Variants in GNA14 observed in about 807,000 individuals in gnomAD.
GNA14 encodes G protein subunit alpha 14.
A neutral mutation model predicts 42.0 loss-of-function variants in GNA14; 50 were observed. That is an observed-to-expected ratio of 1.19 (90% CI 0.95 to 1.51). GNA14 has a LOEUF of 1.51. Among genes scored for constraint, GNA14 ranks in the 40% most tolerant of loss-of-function variants. The probability of loss-of-function intolerance (pLI) is 0.00; values close to 1 mark genes in which losing one functional copy is unlikely to be tolerated. For missense variants in GNA14, 473 were observed against 446.2 expected (o/e 1.06, Z -0.54); for synonymous variants, 173 against 163.1 (o/e 1.06, Z -0.46).
At chr9:77,464,066 T>C (rs1446431406) in intron 2 of GNA14, among the ~76,000 whole-genome samples, 2 of 152,182 alleles carry the variant, frequency 1.3e-5, no homozygotes, top group Non-Finnish European at 2.9e-5. Flanking sequence ...AGTGGTGTAA[T>C]CTCAGGTCAC....
At chr9:77,452,568 G>GTGTT (rs1222885242) in intron 2 of GNA14, among the ~76,000 whole-genome samples, 3 of 14,744 alleles carry the variant, frequency 2.0e-4, no homozygotes, top group Non-Finnish European at 5.1e-4. Flanking sequence ...GTGTGTGTGT[G>GTGTT]TGTATGTGCA....
At chr9:77,551,915 G>A (rs1198325790) in intron 1 of GNA14, among the ~76,000 whole-genome samples, 19 of 151,794 alleles carry the variant, frequency 1.3e-4, no homozygotes, top group Admixed American at 4.6e-4. Context: ...CGAGTCAGGC[G>A]GATCACCTGA....
intron 1 of GNA14, among the ~76,000 whole-genome samples, chr9:77,567,598 G>A (rs1822986795): frequency 6.6e-6 from 1 of 152,218 alleles, no homozygotes; most frequent in Non-Finnish European, 1.5e-5. Context: ...TGGGTGTGGT[G>A]GCTCACGCCT....
intron 1 of GNA14, among the ~76,000 whole-genome samples, chr9:77,574,923 G>A (rs757326002): frequency 4.6e-5 from 7 of 152,176 alleles, no homozygotes; most frequent in African/African-American, 1.2e-4. Context: ...AAAACTTGGC[G>A]AGCACTAACT....
chr9:77,464,548 A>T (rs529937331), intron 2 of GNA14, among the ~76,000 whole-genome samples: 2 of 151,866 alleles, frequency 1.3e-5, no homozygotes, highest in South Asian at 4.2e-4. Context: ...TTTTAAAAAC[A>T]TTTTTTTTGA....
chr9:77,548,520 A>T (rs1837748994), intron 1 of GNA14, among the ~76,000 whole-genome samples: 1 of 152,178 alleles, frequency 6.6e-6, no homozygotes, highest in African/African-American at 2.4e-5. Flanking sequence ...AACACTCTTA[A>T]ATTGGACATA....
chr9:77,485,748 T>C (rs755096450), intron 2 of GNA14, among the ~76,000 whole-genome samples: 18 of 152,294 alleles, frequency 1.2e-4, no homozygotes, highest in South Asian at 6.2e-4. Flanking sequence ...TCAGAGCGCT[T>C]AGGTGACCAG....
In GNA14 at chr9:77,540,806, A is replaced by G. The variant is rs115893924; in HGVS notation, c.125-11553T>C. Reference sequence around the variant, plus strand: ...TGCTTTTGGTTTCTGCTTGCATGTAATATCTTTTTCTATCCCTTTATTGTG... The same window carrying G: ...TGCTTTTGGTTTCTGCTTGCATGTAGTATCTTTTTCTATCCCTTTATTGTG... On this transcript the variant is annotated intron_variant, in intron 1 of 6. Transcript: ENST00000341700. Among the ~76,000 whole-genome samples, 746 of 152,098 alleles carry G rather than the reference A, an allele frequency of 4.9e-3. 5 individuals are homozygous for G. The highest frequency in any genetic ancestry group is 0.017 in the African/African-American group (692 of 41,522).
intron 1 of GNA14, among the ~76,000 whole-genome samples, chr9:77,594,311 G>A (rs1823432177): frequency 6.6e-6 from 1 of 152,188 alleles, no homozygotes; most frequent in Admixed American, 6.5e-5. Flanking sequence ...GACCAGGTCT[G>A]CCTCTGCCTT....
chr9:77,445,109 G>A (rs1456399185), intron 2 of GNA14, among the ~76,000 whole-genome samples: 1 of 152,216 alleles, frequency 6.6e-6, no homozygotes, highest in Non-Finnish European at 1.5e-5. Flanking sequence ...TCCCACTAGA[G>A]GTGGCCTGAT....
intron 2 of GNA14, among the ~76,000 whole-genome samples, chr9:77,482,266 A>T (rs1252892438): frequency 6.6e-6 from 1 of 152,062 alleles, no homozygotes; most frequent in Admixed American, 6.5e-5. Flanking sequence ...ATCTCTCAGC[A>T]TTTGCTTGTC....
intron 1 of GNA14, among the ~76,000 whole-genome samples, chr9:77,631,191 A>T (rs766040404): frequency 2.0e-5 from 3 of 152,106 alleles, no homozygotes; most frequent in African/African-American, 7.2e-5. Flanking sequence ...CTTCCATCTT[A>T]TGGTAAAATA....
chr9:77,584,710 T>C (rs1823274896), intron 1 of GNA14, among the ~76,000 whole-genome samples: 1 of 152,200 alleles, frequency 6.6e-6, no homozygotes, highest in South Asian at 2.1e-4. Flanking sequence ...AGCAAGTTTA[T>C]TAAGAAAGTA....
intron 3 of GNA14, among the ~76,000 whole-genome samples, chr9:77,433,486 A>G (rs997597414): frequency 6.6e-6 from 1 of 151,984 alleles, no homozygotes; most frequent in Non-Finnish European, 1.5e-5. Context: ...TCCTAGGCTC[A>G]AGACATCCTC....
At chr9:77,549,255 A>T (rs776303755) in intron 1 of GNA14, among the ~76,000 whole-genome samples, 8 of 152,252 alleles carry the variant, frequency 5.3e-5, no homozygotes, top group East Asian at 3.9e-4. Flanking sequence ...TCGATAGGAC[A>T]TGTAGTCTCT....
chr9:77,509,049 CT>C (rs1354158988), intron 2 of GNA14, among the ~76,000 whole-genome samples: 1 of 152,132 alleles, frequency 6.6e-6, no homozygotes, highest in African/African-American at 2.4e-5. Context: ...CTCTCCAGAA[CT>C]TTTTCATCAC....
intron 1 of GNA14, among the ~76,000 whole-genome samples, chr9:77,619,174 G>C (rs1823883098): frequency 6.6e-6 from 1 of 151,992 alleles, no homozygotes; most frequent in Non-Finnish European, 1.5e-5. Context: ...CCTCCACTCA[G>C]ACGTCAACCC....
chr9:77,486,628 T>C (rs1377711122), intron 2 of GNA14, among the ~76,000 whole-genome samples: 1 of 152,230 alleles, frequency 6.6e-6, no homozygotes, highest in Non-Finnish European at 1.5e-5. Context: ...GATGTGTGAC[T>C]CCTCTTTTCA....
At chr9:77,615,552 C>T (rs574480692) in intron 1 of GNA14, among the ~76,000 whole-genome samples, 2 of 152,194 alleles carry the variant, frequency 1.3e-5, no homozygotes, top group Non-Finnish European at 2.9e-5. Flanking sequence ...TGGGAACCTC[C>T]ATCAGAGCAG....
Sources: allele counts gnomAD v4.1 joint callset (sites outside exome capture counted in the v4.1 genomes callset), GRCh38; gene constraint gnomAD v4.1.1; transcripts MANE v1.5; gene names NCBI Gene and HGNC (gene_info 2026-07-23, HGNC 2026-07-21).